The following MYOM2 variants were observed in gnomAD, a reference collection of about 807,000 sequenced individuals.
The protein encoded by MYOM2 is myomesin 2, also known as myomesin-2.
MYOM2 carries 254 observed loss-of-function variants against 187.6 expected under a neutral mutation model. The observed-to-expected ratio is 1.35, with a 90% confidence interval of 1.22 to 1.50. The LOEUF (loss-of-function observed/expected upper bound fraction) is 1.50. Among genes scored for constraint, MYOM2 ranks in the 40% most tolerant of loss-of-function variants. MYOM2 has a pLI of 0.00. For missense variants in MYOM2, 2,796 were observed against 1,924.0 expected, an observed-to-expected ratio of 1.45 and a Z score of -8.48; for synonymous variants, 981 against 753.8, an observed-to-expected ratio of 1.30 and a Z score of -4.94.
Position 2,072,417 on chromosome 8 carries a change from G to T in MYOM2, c.866G>T (p.Arg289Met), listed in dbSNP as rs759023429. ...QFLEKFGVTF[R>M]REGETVTLKC... ...TTGGAGAAGTTTGGGGTCACCTTCAGGAGGGAAGGCGAGACGGTCACTCTC... is the reference window on the plus strand; with the variant it reads ...TTGGAGAAGTTTGGGGTCACCTTCATGAGGGAAGGCGAGACGGTCACTCTC... The change falls in exon 9 of 37, where the codon AGG (arginine) becomes ATG (methionine). Residue 289 changes from arginine (R) to methionine (M), a missense_variant. Coordinates refer to ENST00000262113, the MANE Select transcript of MYOM2 (RefSeq NM_003970.4). 112 of 1,614,098 alleles carry T rather than the reference G, an allele frequency of 6.9e-5. No individual in the cohort carries two copies. Among genetic ancestry groups the T allele is most frequent in the Non-Finnish European group, 8.9e-5 (105 of 1,180,056 alleles).
At chr8:2,061,788 A>G (rs914318073) in intron 6 of MYOM2, among the ~76,000 whole-genome samples, 5 of 152,194 alleles carry the variant, frequency 3.3e-5, no homozygotes, top group African/African-American at 1.2e-4. Flanking sequence ...GGGTTTCTCT[A>G]GGAAAGCTCT....
intron 12 of MYOM2, 66 bp from the exon 13 acceptor site, chr8:2,079,494 G>A (rs1403449948): frequency 6.0e-6 from 9 of 1,504,082 alleles, no homozygotes; most frequent in African/African-American, 1.4e-5. Context: ...GGCACAGAAT[G>A]AGGGAAAACG....
At chr8:2,074,604 AC>A (rs1391027415) in intron 10 of MYOM2, among the ~76,000 whole-genome samples, 3 of 152,058 alleles carry the variant, frequency 2.0e-5, no homozygotes, top group Non-Finnish European at 2.9e-5. Context: ...ACAGGCATGT[AC>A]CACCACGCCC....
intron 21 of MYOM2, among the ~76,000 whole-genome samples, chr8:2,103,055 T>C (rs760648580): frequency 7.2e-5 from 11 of 152,094 alleles, no homozygotes; most frequent in East Asian, 3.9e-4. Context: ...TGGGAGAGTG[T>C]GCATGTATTA....
rs1796749305 is a variant in MYOM2, at chr8:2,102,715, G to C, written c.2668G>C (p.Val890Leu). The C allele has an allele frequency of 6.2e-7, 1 of 1,614,012 alleles. No homozygotes were observed. Among genetic ancestry groups the C allele is most frequent in the Admixed American group, 1.7e-5 (1 of 60,006 alleles). ...GKTYVFRVRAVNANGVGKPSD... is the reference protein window; with the variant it reads ...GKTYVFRVRALNANGVGKPSD... ...GACCTATGTCTTCAGGGTCCGGGCA[G>C]TCAATGCAAATGGCGTGGGGAAGCC... Residue 890 changes from valine (V) to leucine (L), a missense_variant, in exon 21 of 37, where the codon GTC (valine) becomes CTC (leucine). Physicochemically the swap from Val to Leu is conservative, Grantham distance 32. Coordinates refer to ENST00000262113, the MANE Select transcript of MYOM2 (RefSeq NM_003970.4).
intron 28 of MYOM2, chr8:2,118,782 G>A (rs1797330211): frequency 6.5e-6 from 1 of 152,780 alleles, no homozygotes; most frequent in African/African-American, 2.4e-5. Flanking sequence ...CCTGAGGGCT[G>A]TTAGTGCAGT....
intron 6 of MYOM2, among the ~76,000 whole-genome samples, chr8:2,062,126 T>C (rs181108653): frequency 2.6e-5 from 4 of 152,222 alleles, no homozygotes; most frequent in Admixed American, 6.5e-5. Flanking sequence ...GAGAGGTGCA[T>C]TGGGGGTCCT....
intron 31 of MYOM2, among the ~76,000 whole-genome samples, chr8:2,124,711 C>T (rs1017054446): frequency 6.6e-6 from 1 of 152,142 alleles, no homozygotes; most frequent in Non-Finnish European, 1.5e-5. Flanking sequence ...AATTTACATG[C>T]CACCAATCAT....
At position 2,106,416 on chromosome 8, in the gene MYOM2, G is replaced by C; in HGVS notation, c.2891+18G>C. Reference sequence around the variant, plus strand: ...GGGGATCAGTAAGTGAGGCCTGGAAGTTGGATACTGGAAACTTTTAGAAGT... The same window carrying C: ...GGGGATCAGTAAGTGAGGCCTGGAACTTGGATACTGGAAACTTTTAGAAGT... On this transcript the variant is annotated intron_variant, in intron 22 of 36. Coordinates refer to ENST00000262113, the MANE Select transcript of MYOM2 (RefSeq NM_003970.4). 1.2e-6 allele frequency: 2 copies of C among 1,612,546 alleles called. No individual in the cohort carries two copies. Among genetic ancestry groups the C allele is most frequent in the Non-Finnish European group, 1.7e-6 (2 of 1,178,664 alleles).
At chr8:2,069,634 T>G in intron 8 of MYOM2, 137 bp downstream of exon 8, 2 of 1,039,054 alleles carry the variant, frequency 1.9e-6, no homozygotes, top group Non-Finnish European at 2.9e-6. Context: ...CAGGCTGGAG[T>G]GCAGTGGTGC....
intron 8 of MYOM2, 61 bp from the exon 9 acceptor site, chr8:2,072,284 G>A (rs1362610635): frequency 5.2e-6 from 7 of 1,351,124 alleles, no homozygotes; most frequent in Non-Finnish European, 6.8e-6. Flanking sequence ...GGCCATGAAA[G>A]CCTCCATCGT....
chr8:2,122,509 C>T (rs1434937382), intron 28 of MYOM2, among the ~76,000 whole-genome samples: 2 of 152,226 alleles, frequency 1.3e-5, no homozygotes, highest in Non-Finnish European at 2.9e-5. Context: ...GTTACTCTAG[C>T]AGAGCTGATG....
At chr8:2,086,392 CTGTTGTGATCTCTG>C (rs1796058183) in intron 14 of MYOM2, among the ~76,000 whole-genome samples, 3 of 125,696 alleles carry the variant, frequency 2.4e-5, no homozygotes, top group African/African-American at 1.1e-4. Flanking sequence ...TGGCCTCCCA[CTGTTGTGATCTCTG>C]CGTGGCCTCC....
chr8:2,079,415 C>A, intron 12 of MYOM2, 145 bp from the exon 13 acceptor site: 1 of 791,376 alleles, frequency 1.3e-6, no homozygotes, highest in Non-Finnish European at 2.2e-6. Flanking sequence ...CAGGACACTT[C>A]CAGAATCAGC....
chr8:2,081,668 T>G (rs1033880722), intron 13 of MYOM2: 74 of 155,390 alleles, frequency 4.8e-4, no homozygotes, highest in Admixed American at 4.6e-3. Flanking sequence ...TGTAATGGAA[T>G]GAACCTTCCC....
At chr8:2,067,252 A>C (rs191553270) in intron 6 of MYOM2, among the ~76,000 whole-genome samples, 84 of 152,330 alleles carry the variant, frequency 5.5e-4, no homozygotes, top group Admixed American at 3.9e-3. Flanking sequence ...TTGTCTCTGG[A>C]GGCACTGGCT....
At chr8:2,076,405 C>T (rs571749808) in intron 11 of MYOM2, 123 bp downstream of exon 11, 4 of 1,261,314 alleles carry the variant, frequency 3.2e-6, no homozygotes, top group South Asian at 3.2e-5. Context: ...GCTCTAGGTA[C>T]ATGGCTAATT....
At position 2,045,139 on chromosome 8, in the gene MYOM2, C is replaced by T. The variant is rs1314467914; in HGVS notation, c.-42C>T. On this transcript the variant is annotated 5_prime_UTR_variant, in exon 1 of 37. Coordinates refer to ENST00000262113, the MANE Select transcript of MYOM2 (RefSeq NM_003970.4). ...GTGAGCCGGTGGTCAGGAATTCTCTCTCCTCCTTGCAATTTTCCTTTCTGT... is the reference window on the plus strand; with the variant it reads ...GTGAGCCGGTGGTCAGGAATTCTCTTTCCTCCTTGCAATTTTCCTTTCTGT... 1 of 152,422 alleles carries T rather than the reference C, an allele frequency of 6.6e-6. No homozygotes were observed. The highest frequency in any genetic ancestry group is 6.5e-5 in the Admixed American group (1 of 15,272). The allele number at this position is 152,422 out of a possible 1,614,324, so 9.4% of individuals were successfully genotyped here. A position where few individuals can be genotyped will look rare whatever the true frequency, so the allele number is the denominator to read the frequency against.
chr8:2,076,616 C>T (rs1819433049), intron 11 of MYOM2: 4 of 232,778 alleles, frequency 1.7e-5, no homozygotes, highest in African/African-American at 4.5e-5. Context: ...TGCCCCGTAC[C>T]GGACAGGGCC....
Sources: gnomAD v4.1 joint callset for allele counts (sites outside exome capture counted in the v4.1 genomes callset) on GRCh38, gnomAD v4.1.1 for gene constraint, MANE v1.5 for transcripts, NCBI Gene and HGNC (gene_info 2026-07-23, HGNC 2026-07-21) for gene names.